Variants in KAT6B observed in about 807,000 individuals in gnomAD.
KAT6B encodes the protein histone acetyltransferase KAT6B.
Under a neutral mutation model 187.5 loss-of-function variants are expected in KAT6B, and 10 were observed. The ratio of observed to expected loss-of-function variants is 0.05; its 90% CI spans 0.03 to 0.09. The LOEUF is 0.09. Ranked by LOEUF, KAT6B falls within the 10% of genes least tolerant of loss-of-function variation. The probability of loss-of-function intolerance (pLI) is 1.00; values close to 1 mark genes in which losing one functional copy is unlikely to be tolerated. For missense variants in KAT6B, 1,952 were observed against 2,558.9 expected, an observed-to-expected ratio of 0.76 and a Z score of 5.12; for synonymous variants, 861 against 926.8, an observed-to-expected ratio of 0.93 and a Z score of 1.29.
chr10:74,932,177 T>C (rs1848928891), intron 3 of KAT6B, among the ~76,000 whole-genome samples: 1 of 152,216 alleles, frequency 6.6e-6, no homozygotes, highest in African/African-American at 2.4e-5. Flanking sequence ...CAAAAAATGT[T>C]GATTGGCCAA....
intron 3 of KAT6B, among the ~76,000 whole-genome samples, chr10:74,958,872 T>C (rs1467079481): frequency 6.6e-6 from 1 of 151,852 alleles, no homozygotes; most frequent in Non-Finnish European, 1.5e-5. Context: ...ACCCCATCTC[T>C]ACTAAAAATA....
At chr10:74,873,120 T>C (rs1163937401) in intron 3 of KAT6B, among the ~76,000 whole-genome samples, 2 of 152,166 alleles carry the variant, frequency 1.3e-5, no homozygotes, top group Non-Finnish European at 2.9e-5. Flanking sequence ...TGGGTGTTTA[T>C]TGAATTATTC....
intron 1 of KAT6B, among the ~76,000 whole-genome samples, chr10:74,831,701 A>G (rs902918588): frequency 2.0e-5 from 3 of 152,260 alleles, no homozygotes; most frequent in African/African-American, 7.2e-5. Flanking sequence ...TTTATGAGCT[A>G]GCATTTTATT....
At chr10:74,901,491 G>A (rs903631182) in intron 3 of KAT6B, among the ~76,000 whole-genome samples, 2 of 152,166 alleles carry the variant, frequency 1.3e-5, no homozygotes, top group Non-Finnish European at 2.9e-5. Flanking sequence ...TCATCCTTGG[G>A]TAAAAACAGA....
At chr10:74,933,875 A>G (rs564521088) in intron 3 of KAT6B, among the ~76,000 whole-genome samples, 2 of 152,286 alleles carry the variant, frequency 1.3e-5, no homozygotes, top group African/African-American at 4.8e-5. Flanking sequence ...ACATCCTCAC[A>G]GAGTAAGAGT....
intron 16 of KAT6B, among the ~76,000 whole-genome samples, chr10:75,023,921 C>A (rs1376817132): frequency 6.6e-6 from 1 of 152,168 alleles, no homozygotes; most frequent in Non-Finnish European, 1.5e-5. Context: ...TTTAACCAAG[C>A]ATATTGAACC....
chr10:74,955,645 A>T (rs1437702423), intron 3 of KAT6B, among the ~76,000 whole-genome samples: 1 of 151,926 alleles, frequency 6.6e-6, no homozygotes, highest in Non-Finnish European at 1.5e-5. Flanking sequence ...CTAAATTTCA[A>T]CATAAAGACA....
chr10:74,958,065 AATGAATGCC>A (rs1363032597), intron 3 of KAT6B, among the ~76,000 whole-genome samples: 4 of 152,372 alleles, frequency 2.6e-5, no homozygotes, highest in Non-Finnish European at 4.4e-5. Flanking sequence ...AAGGGAAGAT[AATGAATGCC>A]CTTGTAAGAT....
At chr10:74,877,264 C>A (rs1389694200) in intron 3 of KAT6B, among the ~76,000 whole-genome samples, 1 of 152,098 alleles carries the variant, frequency 6.6e-6, no homozygotes, top group Non-Finnish European at 1.5e-5. Flanking sequence ...CCACACCCAG[C>A]CAAGAAAACT....
chr10:74,923,894 A>C (rs781534819), intron 3 of KAT6B, among the ~76,000 whole-genome samples: 4 of 152,326 alleles, frequency 2.6e-5, no homozygotes, highest in African/African-American at 4.8e-5. Context: ...GGCGGCACCA[A>C]GGTGGCAGCT....
intron 3 of KAT6B, among the ~76,000 whole-genome samples, chr10:74,907,623 G>C (rs1295716118): frequency 6.6e-6 from 1 of 151,992 alleles, no homozygotes; most frequent in Non-Finnish European, 1.5e-5. Context: ...TCTGCCTCCT[G>C]GGTTCAAGCA....
chr10:75,005,361 G>T (rs1401312318), intron 13 of KAT6B, among the ~76,000 whole-genome samples: 1 of 151,988 alleles, frequency 6.6e-6, no homozygotes, highest in Non-Finnish European at 1.5e-5. Flanking sequence ...GGGATCACAG[G>T]CACGTGCCAC....
intron 3 of KAT6B, among the ~76,000 whole-genome samples, chr10:74,948,117 A>T (rs1439820270): frequency 6.6e-6 from 1 of 152,218 alleles, no homozygotes; most frequent in African/African-American, 2.4e-5. Context: ...CTGCAATTGA[A>T]AGGGTCAGAG....
intron 3 of KAT6B, among the ~76,000 whole-genome samples, chr10:74,850,988 A>T (rs1325237567): frequency 6.6e-6 from 1 of 152,240 alleles, no homozygotes; most frequent in Admixed American, 6.5e-5. Flanking sequence ...TTTCAGTATC[A>T]AGTAGGGCTT....
chr10:74,927,778 C>A (rs560992771), intron 3 of KAT6B, among the ~76,000 whole-genome samples: 2 of 152,272 alleles, frequency 1.3e-5, no homozygotes, highest in African/African-American at 4.8e-5. Flanking sequence ...CCTCAGTGAT[C>A]CTTGCCCTTG....
At chr10:74,888,927 T>A (rs543322762) in intron 3 of KAT6B, among the ~76,000 whole-genome samples, 1 of 152,374 alleles carries the variant, frequency 6.6e-6, no homozygotes, top group South Asian at 2.1e-4. Flanking sequence ...TTTATATTTG[T>A]AAACCTCAAA....
intron 3 of KAT6B, among the ~76,000 whole-genome samples, chr10:74,880,367 A>G (rs975413406): frequency 2.6e-5 from 4 of 152,252 alleles, no homozygotes; most frequent in Non-Finnish European, 4.4e-5. Flanking sequence ...TTCACTGAGC[A>G]TAATTTTTCA....
intron 13 of KAT6B, among the ~76,000 whole-genome samples, chr10:74,998,585 G>A (rs547551642): frequency 2.6e-5 from 4 of 152,248 alleles, no homozygotes; most frequent in Admixed American, 6.5e-5. Flanking sequence ...CCATTCCCAC[G>A]AGAAAGTTAT....
At chr10:74,871,895 A>G (rs1844013713) in intron 3 of KAT6B, among the ~76,000 whole-genome samples, 1 of 152,088 alleles carries the variant, frequency 6.6e-6, no homozygotes, top group East Asian at 1.9e-4. Context: ...CTCTCTCTAG[A>G]CCTCAATTTC....
Sources: gnomAD v4.1 joint callset for allele counts (sites outside exome capture counted in the v4.1 genomes callset) on GRCh38, gnomAD v4.1.1 for gene constraint, MANE v1.5 for transcripts, NCBI Gene and HGNC (gene_info 2026-07-23, HGNC 2026-07-21) for gene names.